PAK1: variants seen among roughly 807,000 people sequenced by gnomAD.
PAK1 encodes p21 (RAC1) activated kinase 1.
Under a neutral mutation model 67.4 loss-of-function variants are expected in PAK1, and 29 were observed. That is an observed-to-expected ratio of 0.43 (90% confidence interval 0.32 to 0.59). PAK1 has a LOEUF of 0.59. Ranked by LOEUF, PAK1 falls within the 20% of genes least tolerant of loss-of-function variation. The pLI, the probability that PAK1 is intolerant of heterozygous loss-of-function variation, is 0.07. For missense variants in PAK1, 337 were observed against 670.7 expected (o/e 0.50, Z 5.50); for synonymous variants, 223 against 237.4 (o/e 0.94, Z 0.56).
At chr11:77,513,864 A>G in the PAK1 span, among the ~76,000 whole-genome samples, 1 of 152,106 alleles carries the variant, frequency 6.6e-6, no homozygotes, top group African/African-American at 2.4e-5. Context: ...CCACCTACTT[A>G]TAGTCCCCTA....
intron 9 of PAK1, among the ~76,000 whole-genome samples, chr11:77,347,405 C>T (rs550152691): frequency 2.2e-4 from 34 of 152,138 alleles, no homozygotes; most frequent in African/African-American, 7.5e-4. Flanking sequence ...GCTGACAGTA[C>T]AACTTTGCAA....
intron 1 of PAK1, among the ~76,000 whole-genome samples, chr11:77,448,518 C>CTA (rs1311138665): frequency 1.3e-5 from 2 of 152,212 alleles, no homozygotes; most frequent in Admixed American, 6.5e-5. Context: ...GGAAGAAATA[C>CTA]TAATTCTGCC....
At chr11:77,435,040 A>T (rs1162966918) in intron 1 of PAK1, among the ~76,000 whole-genome samples, 1 of 151,656 alleles carries the variant, frequency 6.6e-6, no homozygotes, top group Admixed American at 6.6e-5. Flanking sequence ...CTGGAATTAC[A>T]GGCATGAGCC....
the PAK1 span, among the ~76,000 whole-genome samples, chr11:77,526,211 C>T: frequency 2.6e-5 from 4 of 152,208 alleles, no homozygotes; most frequent in African/African-American, 9.6e-5. Flanking sequence ...TATTCTTTGA[C>T]ACCTTTTCAT....
intron 1 of PAK1, chr11:77,473,298 C>G (rs1957956994): frequency 6.6e-6 from 1 of 152,326 alleles, no homozygotes; most frequent in African/African-American, 2.4e-5. Flanking sequence ...TCTCCCAGGT[C>G]TCTCGAATCG....
chr11:77,498,257 T>C, the PAK1 span, among the ~76,000 whole-genome samples: 1 of 152,248 alleles, frequency 6.6e-6, no homozygotes, highest in Non-Finnish European at 1.5e-5. Context: ...GTGGAAACTT[T>C]CTGAACTATC....
At chr11:77,405,674 G>GACAC (rs1555167119) in intron 1 of PAK1, among the ~76,000 whole-genome samples, 1,422 of 125,934 alleles carry the variant, frequency 0.011, 9 homozygotes, top group East Asian at 0.025. Flanking sequence ...CAGACAGACA[G>GACAC]ACACACACAC....
At chr11:77,404,773 T>C (rs1352973039) in intron 1 of PAK1, among the ~76,000 whole-genome samples, 6 of 152,196 alleles carry the variant, frequency 3.9e-5, no homozygotes, top group African/African-American at 1.2e-4. Flanking sequence ...AATAATCTGC[T>C]CTTTCAGCTA....
intron 14 of PAK1, chr11:77,325,473 T>C (rs1036331963): frequency 8.1e-7 from 1 of 1,232,240 alleles, no homozygotes; most frequent in Non-Finnish European, 1.1e-6. Context: ...GTTTAGTGCC[T>C]AAAATATGGT....
At chr11:77,497,437 CAGAAGGAAAGTGACTCACTT>C in the PAK1 span, among the ~76,000 whole-genome samples, 16 of 152,290 alleles carry the variant, frequency 1.1e-4, no homozygotes, top group South Asian at 2.1e-3. Flanking sequence ...AACTGAGACC[CAGAAGGAAAGTGACTCACTT>C]AGAAGGAAAG....
chr11:77,361,456 G>C (rs1439243314), intron 5 of PAK1, among the ~76,000 whole-genome samples: 1 of 152,106 alleles, frequency 6.6e-6, no homozygotes, highest in Non-Finnish European at 1.5e-5. Context: ...AAGTTAGCTG[G>C]GAATCAGATT....
rs114136870 is a variant in PAK1, at chr11:77,471,673, T to C, written c.-22+1879A>G. Among the ~76,000 whole-genome samples the C allele has an allele frequency of 7.5e-3, 1,142 of 152,304 alleles. 27 individuals carry two copies. The highest frequency in any genetic ancestry group is 0.026 in the African/African-American group (1,092 of 41,562). ...CAGTGGTCTGATCCCTGAGAGCTTTTTATTCCATGTTACTCTGAAATTTAT... is the reference window on the plus strand; with the variant it reads ...CAGTGGTCTGATCCCTGAGAGCTTTCTATTCCATGTTACTCTGAAATTTAT... On this transcript the variant is annotated intron_variant, in intron 1 of 14. Coordinates refer to ENST00000356341, the MANE Select transcript of PAK1 (RefSeq NM_002576.5).
chr11:77,495,849 G>T, the PAK1 span, among the ~76,000 whole-genome samples: 1 of 152,308 alleles, frequency 6.6e-6, no homozygotes, highest in Non-Finnish European at 1.5e-5. Context: ...AATTCATAGA[G>T]ACAGAAAGTA....
At chr11:77,379,801 T>G (rs371889936) in intron 3 of PAK1, 93 bp downstream of exon 3, 1 of 866,712 alleles carries the variant, frequency 1.2e-6, no homozygotes, top group Admixed American at 2.5e-5. Context: ...CAGGCAAAGA[T>G]AGAAGCATCA....
At chr11:77,431,987 GT>G in intron 1 of PAK1, among the ~76,000 whole-genome samples, 1 of 152,098 alleles carries the variant, frequency 6.6e-6, no homozygotes, top group East Asian at 1.9e-4. Context: ...GTACTCTAAA[GT>G]TTAAGCCTGT....
chr11:77,409,624 T>G (rs1229042566), intron 1 of PAK1, among the ~76,000 whole-genome samples: 2 of 152,058 alleles, frequency 1.3e-5, no homozygotes, highest in South Asian at 2.1e-4. Flanking sequence ...AATAAAATCC[T>G]GTCATTTGCA....
intron 1 of PAK1, among the ~76,000 whole-genome samples, chr11:77,431,798 C>T (rs1482788424): frequency 6.6e-6 from 1 of 152,148 alleles, no homozygotes; most frequent in African/African-American, 2.4e-5. Context: ...TCTAACTTAC[C>T]CACGTATAGA....
At chr11:77,478,954 A>G (rs1958088773), upstream of PAK1, among the ~76,000 whole-genome samples, 1 of 151,084 alleles carries the variant, frequency 6.6e-6, no homozygotes. Flanking sequence ...GCGTGGTGGC[A>G]GGCGCCTATA....
intron 9 of PAK1, among the ~76,000 whole-genome samples, chr11:77,347,242 A>T (rs1052489903): frequency 6.6e-6 from 1 of 152,168 alleles, no homozygotes; most frequent in Admixed American, 6.5e-5. Context: ...GCTTCCAGGA[A>T]CCACCATCAT....
Sources: gnomAD v4.1 joint callset for allele counts (sites outside exome capture counted in the v4.1 genomes callset) on GRCh38, gnomAD v4.1.1 for gene constraint, MANE v1.5 for transcripts, NCBI Gene and HGNC (gene_info 2026-07-23, HGNC 2026-07-21) for gene names.